TNRC6C: variants seen among roughly 807,000 people sequenced by gnomAD.
TNRC6C encodes the protein trinucleotide repeat-containing gene 6C protein.
TNRC6C carries 20 observed loss-of-function variants against 153.7 expected under a neutral mutation model. The observed-to-expected ratio is 0.13, with a 90% confidence interval of 0.09 to 0.19. TNRC6C has a LOEUF of 0.19. Ranked by LOEUF, TNRC6C falls within the 10% of genes least tolerant of loss-of-function variation. TNRC6C has a pLI of 1.00. For missense variants in TNRC6C, 1,987 were observed against 2,172.0 expected (o/e 0.91, Z 1.69); for synonymous variants, 811 against 841.4 (o/e 0.96, Z 0.63).
chr17:78,084,621 CTTTTTTT>C (rs888498648), intron 11 of TNRC6C, among the ~76,000 whole-genome samples: 5 of 134,196 alleles, frequency 3.7e-5, no homozygotes, highest in African/African-American at 1.4e-4. Context: ...TTTTCTTTTT[CTTTTTTT>C]TTTTTTTTTG....
chr17:78,011,611 G>C lies in TNRC6C; in HGVS notation c.-546+6532G>C, dbSNP rs149430326. ...GTTCATGGACATCTGCGTTTTTCCA[G>C]TTTTGAGCTATTGAGTAAAGCTTCT... On this transcript the variant is annotated intron_variant, in intron 1 of 19. Coordinates refer to ENST00000301624, the Ensembl canonical transcript of TNRC6C. Among the ~76,000 whole-genome samples, 129 of 152,220 alleles carry C rather than the reference G, an allele frequency of 8.5e-4. 2 individuals are homozygous for C. The highest frequency in any genetic ancestry group is 2.8e-3 in the African/African-American group (117 of 41,522).
chr17:78,081,200 C>T (rs570349053), intron 10 of TNRC6C, among the ~76,000 whole-genome samples: 1 of 151,860 alleles, frequency 6.6e-6, no homozygotes, highest in East Asian at 1.9e-4. Flanking sequence ...TTCATGGGGG[C>T]TCCTGATCAC....
chr17:78,100,193 G>T (rs947177388), intron 17 of TNRC6C, among the ~76,000 whole-genome samples: 1 of 152,212 alleles, frequency 6.6e-6, no homozygotes, highest in Non-Finnish European at 1.5e-5. Flanking sequence ...CCATTCTGGG[G>T]TCTAGAGGAC....
At chr17:78,084,508 G>A (rs761841907) in intron 11 of TNRC6C, among the ~76,000 whole-genome samples, 4 of 152,174 alleles carry the variant, frequency 2.6e-5, no homozygotes, top group East Asian at 1.9e-4. Context: ...AGGGAAGGAC[G>A]TGTCCCAGAG....
chr17:78,086,556 G>C (rs755582176), exon 12 of TNRC6C: 23 of 1,613,820 alleles, frequency 1.4e-5, no homozygotes, highest in Non-Finnish European at 1.9e-5. Context: ...AGCGTAATGT[G>C]TCCGGATCCA....
Position 78,104,565 on chromosome 17 carries a change from C to T in TNRC6C, c.4793C>T (p.Ala1598Val), listed in dbSNP as rs749817283. ...AATCGCTTCTTAGCCCAAGGCCAGGCGCTGCCACCCACTTCCAGCTGGCAG... is the reference window on the plus strand; with the variant it reads ...AATCGCTTCTTAGCCCAAGGCCAGGTGCTGCCACCCACTTCCAGCTGGCAG... Residue 1598 changes from alanine (A) to valine (V), a missense_variant, in exon 20 of 20, where the codon GCG becomes GTG. Transcript: ENST00000301624. This position sits in a 1 kb window ranked among gnomAD's most constrained non-coding sequence, Gnocchi z 6.2. 11 of 1,550,624 alleles carry T rather than the reference C, an allele frequency of 7.1e-6. No homozygotes were observed. The Admixed American group carries it at 7.7e-5, about 11-fold the overall frequency.
At chr17:77,962,969 C>T (rs2070872625) in intron 1 of TNRC6C, among the ~76,000 whole-genome samples, 1 of 152,160 alleles carries the variant, frequency 6.6e-6, no homozygotes, top group African/African-American at 2.4e-5. Flanking sequence ...AGAAGTGGCT[C>T]CTATTTTGTA....
chr17:77,982,405 C>G (rs567264694), intron 1 of TNRC6C, among the ~76,000 whole-genome samples: 14 of 151,836 alleles, frequency 9.2e-5, no homozygotes, highest in African/African-American at 3.1e-4. Flanking sequence ...AGTTGATTAA[C>G]TCTAGAGTAA....
intron 1 of TNRC6C, among the ~76,000 whole-genome samples, chr17:78,026,844 T>C (rs752384970): frequency 6.6e-6 from 1 of 151,928 alleles, no homozygotes; most frequent in Non-Finnish European, 1.5e-5. Flanking sequence ...ATGGTGACCG[T>C]TGGAATGAAA....
intron 3 of TNRC6C, among the ~76,000 whole-genome samples, chr17:78,054,649 C>T (rs1326322314): frequency 6.6e-6 from 1 of 152,056 alleles, no homozygotes; most frequent in African/African-American, 2.4e-5. Flanking sequence ...CTACTGCACA[C>T]CACTGCAGAC....
intron 1 of TNRC6C, among the ~76,000 whole-genome samples, chr17:77,988,376 TACAC>T (rs113058619): frequency 6.6e-6 from 1 of 151,630 alleles, no homozygotes; most frequent in African/African-American, 2.4e-5. Flanking sequence ...TATCTCTTTA[TACAC>T]ACACACACAC....
At chr17:78,083,653 T>C (rs924455381) in intron 11 of TNRC6C, among the ~76,000 whole-genome samples, 1 of 152,220 alleles carries the variant, frequency 6.6e-6, no homozygotes, top group African/African-American at 2.4e-5. Flanking sequence ...CTAAGGATGG[T>C]ATACATAAAT....
chr17:78,088,182 A>T (rs553392119), intron 13 of TNRC6C, among the ~76,000 whole-genome samples: 2 of 152,260 alleles, frequency 1.3e-5, no homozygotes, highest in South Asian at 4.1e-4. Context: ...CATATTATAA[A>T]TGTGGTATAT....
At chr17:78,039,240 C>T (rs902948521) in intron 2 of TNRC6C, among the ~76,000 whole-genome samples, 2 of 152,028 alleles carry the variant, frequency 1.3e-5, no homozygotes, top group African/African-American at 4.8e-5. Context: ...TAAAGAGCAG[C>T]CTGTGTTTGA....
At chr17:78,056,624 C>T (rs113173537) in intron 3 of TNRC6C, among the ~76,000 whole-genome samples, 13,403 of 151,732 alleles carry the variant, frequency 0.088, 675 homozygotes, top group East Asian at 0.17. Context: ...CCACCACGCT[C>T]GGCTAATTTT....
chr17:77,978,736 C>T (rs1022648535), intron 1 of TNRC6C, among the ~76,000 whole-genome samples: 3 of 152,106 alleles, frequency 2.0e-5, no homozygotes, highest in African/African-American at 7.2e-5. Flanking sequence ...CCCTGGTAAA[C>T]ATCCCAGGCT....
At chr17:78,034,467 C>G (rs1051993586) in intron 2 of TNRC6C, among the ~76,000 whole-genome samples, 1 of 152,084 alleles carries the variant, frequency 6.6e-6, no homozygotes, top group African/African-American at 2.4e-5. Context: ...TGCTGCCCCC[C>G]CAACCCCCAC....
chr17:78,089,882 GC>G (rs755422105), intron 13 of TNRC6C, among the ~76,000 whole-genome samples: 7 of 152,154 alleles, frequency 4.6e-5, no homozygotes, highest in Non-Finnish European at 1.0e-4. Flanking sequence ...TGTTTCAGGG[GC>G]CCATTTTGCA....
chr17:77,991,196 T>G (rs1455458201), intron 1 of TNRC6C, among the ~76,000 whole-genome samples: 1 of 152,230 alleles, frequency 6.6e-6, no homozygotes, highest in African/African-American at 2.4e-5. Context: ...AAATTCTGGC[T>G]GAAATCATTT....
Sources: allele counts gnomAD v4.1 joint callset (sites outside exome capture counted in the v4.1 genomes callset), GRCh38; gene constraint gnomAD v4.1.1; non-coding constraint Gnocchi (gnomAD v3.1); transcripts MANE v1.5; gene names NCBI Gene and HGNC (gene_info 2026-07-23, HGNC 2026-07-21).